The following TPST1 variants were observed in gnomAD, a reference collection of about 807,000 sequenced individuals.
The protein encoded by TPST1 is protein-tyrosine sulfotransferase 1.
Under a neutral mutation model 34.8 loss-of-function variants are expected in TPST1, and 20 were observed. The ratio of observed to expected loss-of-function variants is 0.57; its 90% CI spans 0.40 to 0.84. The LOEUF is 0.84. Among genes scored for constraint, TPST1 ranks in the 40% least tolerant of loss-of-function variants. The pLI is 0.00. For synonymous variants in TPST1, 152 were observed against 159.4 expected, an observed-to-expected ratio of 0.95 and a Z score of 0.35; for missense variants, 353 against 455.5, an observed-to-expected ratio of 0.78 and a Z score of 2.05.
At chr7:66,337,352 A>G (rs954818491) in intron 3 of TPST1, among the ~76,000 whole-genome samples, 8 of 144,506 alleles carry the variant, frequency 5.5e-5, no homozygotes, top group Admixed American at 1.4e-4. Flanking sequence ...CTGTCACTCA[A>G]GCTGGAGAGT....
At chr7:66,273,534 A>C (rs1372330612) in intron 2 of TPST1, among the ~76,000 whole-genome samples, 1 of 152,230 alleles carries the variant, frequency 6.6e-6, no homozygotes, top group Non-Finnish European at 1.5e-5. Flanking sequence ...TATACTGTAA[A>C]GCTATAGTAA....
intron 5 of TPST1, among the ~76,000 whole-genome samples, chr7:66,357,717 TTTC>T (rs1792608393): frequency 6.6e-6 from 1 of 152,192 alleles, no homozygotes; most frequent in African/African-American, 2.4e-5. Context: ...CCACCCAAAC[TTTC>T]TTAAGATCAG....
At chr7:66,287,202 G>T (rs1167262425) in intron 3 of TPST1, among the ~76,000 whole-genome samples, 2 of 111,942 alleles carry the variant, frequency 1.8e-5, no homozygotes, top group Non-Finnish European at 1.8e-5. Context: ...TTTTATGGCT[G>T]CATAGTATTC....
intron 1 of TPST1, among the ~76,000 whole-genome samples, chr7:66,219,951 T>C (rs887029099): frequency 1.3e-5 from 2 of 152,226 alleles, no homozygotes; most frequent in African/African-American, 4.8e-5. Flanking sequence ...AAAAAAGATT[T>C]TGATTCATTC....
intron 2 of TPST1, among the ~76,000 whole-genome samples, chr7:66,269,692 T>C (rs1790659848): frequency 6.6e-6 from 1 of 152,220 alleles, no homozygotes; most frequent in Non-Finnish European, 1.5e-5. Context: ...TTTAGAGCCA[T>C]CTCATTTTTT....
chr7:66,299,967 A>C (rs752242554), intron 3 of TPST1, among the ~76,000 whole-genome samples: 2 of 152,218 alleles, frequency 1.3e-5, no homozygotes, highest in African/African-American at 4.8e-5. Context: ...TTCCCAGTAC[A>C]TATAAAAGTT....
chr7:66,243,148 T>G (rs549054113), intron 2 of TPST1, among the ~76,000 whole-genome samples: 26 of 147,206 alleles, frequency 1.8e-4, no homozygotes, highest in South Asian at 1.3e-3. Flanking sequence ...TGACAAGGGG[T>G]GTGTGTGTGT....
chr7:66,261,417 T>C (rs559888124), intron 2 of TPST1, among the ~76,000 whole-genome samples: 4 of 152,272 alleles, frequency 2.6e-5, no homozygotes, highest in African/African-American at 9.6e-5. Flanking sequence ...TTATAAGTTA[T>C]GTACTAGTTT....
intron 2 of TPST1, among the ~76,000 whole-genome samples, chr7:66,255,114 C>G (rs993914462): frequency 2.0e-5 from 3 of 147,488 alleles, no homozygotes; most frequent in African/African-American, 7.6e-5. Flanking sequence ...GCCATGCACT[C>G]CAGCCTGGGT....
At chr7:66,227,405 TTTAA>T (rs908464737) in intron 1 of TPST1, among the ~76,000 whole-genome samples, 57 of 152,202 alleles carry the variant, frequency 3.7e-4, no homozygotes, top group African/African-American at 1.3e-3. Context: ...AATCTTTTTG[TTTAA>T]TTAATTAATT....
intron 2 of TPST1, among the ~76,000 whole-genome samples, chr7:66,250,901 G>A (rs1367426814): frequency 6.6e-6 from 1 of 152,230 alleles, no homozygotes; most frequent in South Asian, 2.1e-4. Context: ...TGGGTAGTGA[G>A]TGTACATTGC....
At chr7:66,320,406 C>T (rs1473216787) in intron 3 of TPST1, among the ~76,000 whole-genome samples, 1 of 151,476 alleles carries the variant, frequency 6.6e-6, no homozygotes, top group Non-Finnish European at 1.5e-5. Context: ...CGCCACCATG[C>T]CTGGCTAATT....
At chr7:66,343,970 C>T (rs759855057) in intron 3 of TPST1, among the ~76,000 whole-genome samples, 4 of 152,098 alleles carry the variant, frequency 2.6e-5, no homozygotes, top group African/African-American at 4.8e-5. Flanking sequence ...AATACTATAA[C>T]AGAAATGAAG....
chr7:66,269,001 A>T (rs987889034), intron 2 of TPST1, among the ~76,000 whole-genome samples: 6 of 152,262 alleles, frequency 3.9e-5, no homozygotes, highest in African/African-American at 1.4e-4. Flanking sequence ...GACATTTTTA[A>T]AAAATGATAG....
At chr7:66,301,004 G>T (rs964409978) in intron 3 of TPST1, among the ~76,000 whole-genome samples, 13 of 151,940 alleles carry the variant, frequency 8.6e-5, no homozygotes, top group Admixed American at 4.6e-4. Flanking sequence ...TTGATCCATG[G>T]ACTACAGAAT....
chr7:66,280,108 G>A (rs1790903456), intron 2 of TPST1, among the ~76,000 whole-genome samples: 1 of 152,234 alleles, frequency 6.6e-6, no homozygotes, highest in South Asian at 2.1e-4. Context: ...GTGGGCTGCA[G>A]ACGGAAATCC....
chr7:66,225,107 G>C (rs1313598174), intron 1 of TPST1, among the ~76,000 whole-genome samples: 1 of 150,582 alleles, frequency 6.6e-6, no homozygotes, highest in African/African-American at 2.4e-5. Context: ...AGTAGAGACG[G>C]GGTTTCGCCA....
chr7:66,256,625 C>A (rs1467500879), intron 2 of TPST1, among the ~76,000 whole-genome samples: 1 of 152,200 alleles, frequency 6.6e-6, no homozygotes, highest in Non-Finnish European at 1.5e-5. Flanking sequence ...GAAGTTACAT[C>A]TTTTCCAGCC....
At chr7:66,306,251 T>G (rs952289969) in intron 3 of TPST1, among the ~76,000 whole-genome samples, 1 of 152,250 alleles carries the variant, frequency 6.6e-6, no homozygotes, top group Non-Finnish European at 1.5e-5. Flanking sequence ...GGCAATCAAC[T>G]CAGGTAGGCT....
Sources: gnomAD v4.1 joint callset for allele counts (sites outside exome capture counted in the v4.1 genomes callset) on GRCh38, gnomAD v4.1.1 for gene constraint, MANE v1.5 for transcripts, NCBI Gene and HGNC (gene_info 2026-07-23, HGNC 2026-07-21) for gene names.